The following ANO2 variants were observed in gnomAD, a reference collection of about 807,000 sequenced individuals.
ANO2 encodes the protein anoctamin 2.
A neutral mutation model predicts 124.2 loss-of-function variants in ANO2; 101 were observed. The ratio of observed to expected loss-of-function variants is 0.81; its 90% CI spans 0.69 to 0.96. ANO2 has a LOEUF of 0.96. Among genes scored for constraint, ANO2 ranks in the 40% least tolerant of loss-of-function variants. The pLI is 0.00. For missense variants in ANO2, 1,293 were observed against 1,274.5 expected (o/e 1.01, Z -0.22); for synonymous variants, 486 against 482.5 (o/e 1.01, Z -0.09).
At chr12:5,781,436 T>C (rs1383325036) in intron 10 of ANO2, among the ~76,000 whole-genome samples, 1 of 152,224 alleles carries the variant, frequency 6.6e-6, no homozygotes, top group African/African-American at 2.4e-5. Context: ...TCTGTTTCTC[T>C]GATGTTGGTT....
chr12:5,604,002 G>A (rs1337998726), intron 19 of ANO2, among the ~76,000 whole-genome samples: 1 of 151,022 alleles, frequency 6.6e-6, no homozygotes, highest in Non-Finnish European at 1.5e-5. Context: ...AGGTAGTGTA[G>A]GCTCATGGCA....
At chr12:5,887,004 G>A (rs1302757691) in intron 3 of ANO2, among the ~76,000 whole-genome samples, 2 of 152,112 alleles carry the variant, frequency 1.3e-5, no homozygotes, top group African/African-American at 4.8e-5. Context: ...CTGTGGAGAT[G>A]GATGGTAGTG....
At chr12:5,934,294 A>T (rs969173346) in intron 1 of ANO2, among the ~76,000 whole-genome samples, 22 of 152,330 alleles carry the variant, frequency 1.4e-4, no homozygotes, top group African/African-American at 5.3e-4. Flanking sequence ...AATGCTGTGC[A>T]AAAGGAAGAT....
chr12:5,877,570 T>C (rs536286130), intron 3 of ANO2, among the ~76,000 whole-genome samples: 1 of 152,308 alleles, frequency 6.6e-6, no homozygotes, highest in South Asian at 2.1e-4. Context: ...TTACCAATTA[T>C]GTGATCTTGG....
intron 3 of ANO2, among the ~76,000 whole-genome samples, chr12:5,888,690 CCT>C (rs1939156219): frequency 6.6e-6 from 1 of 152,138 alleles, no homozygotes; most frequent in Admixed American, 6.5e-5. Flanking sequence ...ATTCACAAAC[CCT>C]GAGCTAGACA....
chr12:5,844,037 A>G (rs940236594), intron 4 of ANO2, among the ~76,000 whole-genome samples: 1 of 152,206 alleles, frequency 6.6e-6, no homozygotes, highest in Non-Finnish European at 1.5e-5. Context: ...AGGTAATATC[A>G]GCTCGGGCTG....
In ANO2 at chr12:5,787,073, G is replaced by A. The variant is rs1391473748; in HGVS notation, c.1055+12434C>T. ...GTTAGTTATGATGTCAGGGGGATGA[G>A]GAGAGGAAGACAAAAGAGGCTCTGG... On this transcript the variant is annotated intron_variant, in intron 10 of 24. Coordinates refer to ENST00000682330, the MANE Select transcript of ANO2 (RefSeq NM_001364791.2). This position sits in a 1 kb window ranked among gnomAD's most constrained non-coding sequence, Gnocchi z 4.2. Among the ~76,000 whole-genome samples the A allele has an allele frequency of 6.6e-6, 1 of 152,170 alleles. No homozygotes were observed. Among genetic ancestry groups the A allele is most frequent in the Non-Finnish European group, 1.5e-5 (1 of 68,036 alleles).
chr12:5,893,520 T>C (rs1374183195), intron 3 of ANO2, among the ~76,000 whole-genome samples: 1 of 151,710 alleles, frequency 6.6e-6, no homozygotes, highest in African/African-American at 2.4e-5. Flanking sequence ...CTTTAAGTTC[T>C]GGGATACATG....
chr12:5,935,221 A>G (rs7970651), intron 1 of ANO2, among the ~76,000 whole-genome samples: 14,818 of 152,128 alleles, frequency 0.097, 1,151 homozygotes, highest in African/African-American at 0.21. Context: ...TACCTATCTT[A>G]TTCACCTCTG....
intron 16 of ANO2, among the ~76,000 whole-genome samples, chr12:5,634,517 A>G (rs537057831): frequency 6.6e-5 from 10 of 152,282 alleles, no homozygotes; most frequent in Admixed American, 4.6e-4. Flanking sequence ...CCCACCCAAT[A>G]AGCATGAATG....
At chr12:5,694,478 G>A (rs970679216) in intron 14 of ANO2, among the ~76,000 whole-genome samples, 6 of 152,096 alleles carry the variant, frequency 3.9e-5, no homozygotes, top group African/African-American at 1.4e-4. Flanking sequence ...CAGCTCCCGA[G>A]TGTCCCCACA....
intron 10 of ANO2, among the ~76,000 whole-genome samples, chr12:5,770,327 C>G (rs1952038941): frequency 6.6e-6 from 1 of 152,162 alleles, no homozygotes; most frequent in South Asian, 2.1e-4. Flanking sequence ...CATGAACCCA[C>G]CAGTCTACTT....
At chr12:5,577,400 T>TG (rs1433685972) in intron 22 of ANO2, among the ~76,000 whole-genome samples, 2 of 152,222 alleles carry the variant, frequency 1.3e-5, no homozygotes, top group African/African-American at 4.8e-5. Flanking sequence ...AGGAGCTGGC[T>TG]GGGGCCCAGC....
At chr12:5,796,842 G>C (rs979109906) in intron 10 of ANO2, among the ~76,000 whole-genome samples, 7 of 152,156 alleles carry the variant, frequency 4.6e-5, no homozygotes, top group African/African-American at 1.7e-4. Flanking sequence ...GCTAGTTCCG[G>C]GGCCTTCCAC....
intron 14 of ANO2, among the ~76,000 whole-genome samples, chr12:5,687,463 G>A (rs1282415113): frequency 6.6e-6 from 1 of 152,240 alleles, no homozygotes; most frequent in Non-Finnish European, 1.5e-5. Flanking sequence ...CGAAGCATGT[G>A]CAATTTCCTT....
intron 14 of ANO2, among the ~76,000 whole-genome samples, chr12:5,651,633 T>A (rs563060429): frequency 6.6e-6 from 1 of 152,188 alleles, no homozygotes; most frequent in Non-Finnish European, 1.5e-5. Context: ...TTCACCTTCA[T>A]TAGTGTTTAC....
At chr12:5,614,522 C>T (rs139115366) in intron 17 of ANO2, among the ~76,000 whole-genome samples, 1 of 152,170 alleles carries the variant, frequency 6.6e-6, no homozygotes, top group Non-Finnish European at 1.5e-5. Flanking sequence ...GAGGGTGACA[C>T]ATCCTGAGGA....
chr12:5,632,339 G>A (rs1027612655), intron 16 of ANO2, among the ~76,000 whole-genome samples: 14 of 151,844 alleles, frequency 9.2e-5, no homozygotes, highest in African/African-American at 3.4e-4. Context: ...CATTTTAGAG[G>A]TAGAATCTGA....
intron 4 of ANO2, among the ~76,000 whole-genome samples, chr12:5,838,722 C>A (rs368514177): frequency 6.6e-6 from 1 of 152,172 alleles, no homozygotes; most frequent in Admixed American, 6.5e-5. Flanking sequence ...TGGATGAATA[C>A]CCGCCTCATA....
Sources: allele counts gnomAD v4.1 joint callset (sites outside exome capture counted in the v4.1 genomes callset), GRCh38; gene constraint gnomAD v4.1.1; non-coding constraint Gnocchi (gnomAD v3.1); transcripts MANE v1.5; gene names NCBI Gene and HGNC (gene_info 2026-07-23, HGNC 2026-07-21).